ATF5: variants seen among roughly 807,000 people sequenced by gnomAD.
ATF5 encodes cyclic AMP-dependent transcription factor ATF-5.
A neutral mutation model predicts 4.6 loss-of-function variants in ATF5; 6 were observed. That is an observed-to-expected ratio of 1.31 (90% confidence interval 0.72 to 2.59). The LOEUF is 2.59. Among genes scored for constraint, ATF5 ranks in the 30% most tolerant of loss-of-function variants. The pLI is 0.00. For missense variants in ATF5, 410 were observed against 368.7 expected (o/e 1.11, Z -0.92); for synonymous variants, 193 against 165.0 (o/e 1.17, Z -1.30).
At position 49,930,891 on chromosome 19, in the gene ATF5, C is replaced by T; in HGVS notation, c.41C>T (p.Ala14Val). The T allele has an allele frequency of 6.2e-7, 1 of 1,610,348 alleles. No homozygotes were observed. Among genetic ancestry groups the T allele is most frequent in the South Asian group, 1.1e-5 (1 of 90,518 alleles). The change falls in exon 2 of 3, where the codon GCC becomes GTC. Residue 14 changes from alanine (A) to valine (V), a missense_variant. Coordinates refer to ENST00000423777, the MANE Select transcript of ATF5 (RefSeq NM_001193646.2). ...ACCCTGGGGCTGGAGCTGGACAGGGCCCTGCTCCCAGCTAGTGGGCTGGGA... is the reference window on the plus strand; with the variant it reads ...ACCCTGGGGCTGGAGCTGGACAGGGTCCTGCTCCCAGCTAGTGGGCTGGGA... ...LATLGLELDR[A>V]LLPASGLGWL...
chr19:49,931,653 T>TA (rs1351514103), intron 2 of ATF5, among the ~76,000 whole-genome samples: 7 of 149,580 alleles, frequency 4.7e-5, no homozygotes, highest in East Asian at 2.0e-4. Flanking sequence ...TCCCTTAAAA[T>TA]AAAAAAAAAG....
intron 2 of ATF5, among the ~76,000 whole-genome samples, chr19:49,931,385 T>G (rs1426747992): frequency 6.6e-6 from 1 of 152,090 alleles, no homozygotes; most frequent in Non-Finnish European, 1.5e-5. Context: ...AAGCCAGGCA[T>G]GATGGCCTGT....
Position 49,932,977 on chromosome 19 carries a change from C to A in ATF5, c.734C>A (p.Ala245Glu). The A allele has an allele frequency of 6.2e-7, 1 of 1,614,054 alleles. No individual in the cohort carries two copies. Residue 245 changes from alanine (A) to glutamate (E), a missense_variant, in exon 3 of 3, where the codon GCA becomes GAA. Transcript: ENST00000423777. Reference sequence around the variant, plus strand: ...GAGGGCGAGTGCCAGGGGCTGGAGGCACGGAATCGCGAGCTGAAGGAACGG... The same window carrying A: ...GAGGGCGAGTGCCAGGGGCTGGAGGAACGGAATCGCGAGCTGAAGGAACGG... ...ALEGECQGLE[A>E]RNRELKERAE...
chr19:49,933,560 G>C lies in ATF5; in HGVS notation c.*468G>C, dbSNP rs1370989104. ...GAATTTCAAACCTGGTTTCTTACAG[G>C]TGGTTGTCTGGGGTGGGTGGAGTGG... On this transcript the variant is annotated 3_prime_UTR_variant, in exon 3 of 3. Transcript: ENST00000423777. 6.4e-6 allele frequency: 1 copy of C among 155,434 alleles called. No individual in the cohort carries two copies. Among genetic ancestry groups the C allele is most frequent in the Non-Finnish European group, 1.4e-5 (1 of 70,008 alleles). 9.6% of individuals were successfully genotyped at this position (155,434 alleles called of 1,614,324 possible).
At position 49,932,621 on chromosome 19, in the gene ATF5, C is replaced by G. The variant is rs1442248098; in HGVS notation, c.378C>G (p.Ser126=). 1 of 1,545,590 alleles carries G rather than the reference C, an allele frequency of 6.5e-7. No individual in the cohort carries two copies. The highest frequency in any genetic ancestry group is 1.4e-5 in the African/African-American group (1 of 71,994). ...FLDAPPLPPP[S]PPPLPPPPLP... Reference sequence around the variant, plus strand: ...ATGCCCCGCCCCTCCCACCACCCTCCCCGCCGCCACTACCACCACCACCAC... The same window carrying G: ...ATGCCCCGCCCCTCCCACCACCCTCGCCGCCGCCACTACCACCACCACCAC... Residue 126 remains serine (S), a synonymous_variant, in exon 3 of 3, where the codon TCC becomes TCG. Transcript: ENST00000423777.
rs1159728331 is a variant in ATF5 at position 49,932,946 on chromosome 19, G to A, written c.703G>A (p.Ala235Thr). ...YRQRKRAEGE[A>T]LEGECQGLEA... is the part of the protein sequence containing the mutation. ...CCAGCGGAAGCGGGCAGAGGGTGAG[G>A]CCCTGGAGGGCGAGTGCCAGGGGCT... Residue 235 changes from alanine to threonine, a missense_variant, in exon 3 of 3, where the codon GCC becomes ACC. By Grantham distance (58) the Ala-to-Thr change is moderately conservative. Coordinates refer to ENST00000423777, the MANE Select transcript of ATF5 (RefSeq NM_001193646.2). 1 of 1,614,008 alleles carries A rather than the reference G, an allele frequency of 6.2e-7. No individual in the cohort carries two copies. Among genetic ancestry groups the A allele is most frequent in the South Asian group, 1.1e-5 (1 of 91,052 alleles).
At chr19:49,930,003 G>C (rs2076032179) in intron 1 of ATF5, 1 of 152,350 alleles carries the variant, frequency 6.6e-6, no homozygotes, top group Non-Finnish European at 1.5e-5. Context: ...CAGGGCAGAA[G>C]GCGGGACCCA....
In ATF5 at chr19:49,932,709, T is replaced by G. The variant is rs1313685767; in HGVS notation, c.466T>G (p.Leu156Val). 2 of 1,506,006 alleles carry G rather than the reference T, an allele frequency of 1.3e-6. No individual in the cohort carries two copies. The highest frequency in any genetic ancestry group is 1.8e-6 in the Non-Finnish European group (2 of 1,117,100). The allele number at this position is 1,506,006 out of a possible 1,614,324, so 93.3% of individuals were successfully genotyped here. The stretch of plus-strand genomic sequence containing the variant: ...CTTTGACCTCCCCCAGCCCCCTGTC[T>G]TGGATACTCTGGACTTGCTGGCCAT... ...PSFDLPQPPV[L>V]DTLDLLAIYC... The change falls in exon 3 of 3, where the codon TTG becomes GTG. Residue 156 changes from leucine (L) to valine (V), a missense_variant. Coordinates refer to ENST00000423777, the MANE Select transcript of ATF5 (RefSeq NM_001193646.2).
Position 49,932,682 on chromosome 19 carries a change from T to G in ATF5, c.439T>G (p.Ser147Ala). ...CCCCTCCCTCCCCCTGTCCCTCCCC[T>G]CCTTTGACCTCCCCCAGCCCCCTGT... is the stretch of plus-strand genomic sequence containing the variant. ...PAPSLPLSLP[S>A]FDLPQPPVLD... Residue 147 changes from serine to alanine, a missense_variant, in exon 3 of 3, where the codon TCC becomes GCC. Physicochemically the swap from Ser to Ala is moderately conservative, Grantham distance 99. Coordinates refer to ENST00000423777, the MANE Select transcript of ATF5 (RefSeq NM_001193646.2). 1.8e-6 allele frequency: 1 copy of G among 571,426 alleles called. No individual in the cohort carries two copies. Among genetic ancestry groups the G allele is most frequent in the Non-Finnish European group, 2.5e-6 (1 of 406,390 alleles). 35.4% of individuals were successfully genotyped at this position (571,426 alleles called of 1,614,324 possible).
Position 49,932,506 on chromosome 19 carries a change from T to TCCCCCACCC in ATF5, c.269_270insCCCCCCCCA (p.Pro89_Gln90insHisProPro). Reference sequence around the variant, plus strand: ...GAGCCTCCCTTACCCCCCGGCACCCTCCCCCAACCTTCCCCAACCCCACCT... The same window carrying TCCCCCACCC: ...GAGCCTCCCTTACCCCCCGGCACCCTCCCCCACCCCCCCCAACCTTCCCCAACCCCACCT... On this transcript the variant is annotated inframe_insertion, in exon 3 of 3. Transcript: ENST00000423777. 2 of 589,020 alleles carry TCCCCCACCC rather than the reference T, an allele frequency of 3.4e-6. No individual in the cohort carries two copies. Among genetic ancestry groups the TCCCCCACCC allele is most frequent in the Non-Finnish European group, 2.5e-6 (1 of 403,600 alleles). 36.5% of individuals were successfully genotyped at this position (589,020 alleles called of 1,614,324 possible).
intron 1 of ATF5, 77 bp downstream of exon 1, chr19:49,929,477 G>C (rs1346815162): frequency 1.3e-5 from 2 of 152,542 alleles, no homozygotes; most frequent in Non-Finnish European, 2.9e-5. Context: ...GGGAGCCCTG[G>C]GGGGTGGGGA....
At position 49,930,948 on chromosome 19, in the gene ATF5, C is replaced by A; in HGVS notation, c.98C>A (p.Ala33Asp). The change falls in exon 2 of 3, where the codon GCC (alanine) becomes GAC (aspartate). Residue 33 changes from alanine to aspartate, a missense_variant. Transcript: ENST00000423777. ...WLVDYGKLPP[A>D]PAPLAPYEVL... ...GTAGACTATGGGAAACTCCCCCCGGCCCCTGCCCCCCTGGCTCCCTATGAG... is the reference window on the plus strand; with the variant it reads ...GTAGACTATGGGAAACTCCCCCCGGACCCTGCCCCCCTGGCTCCCTATGAG... 1 of 1,596,890 alleles carries A rather than the reference C, an allele frequency of 6.3e-7. No individual in the cohort carries two copies. The highest frequency in any genetic ancestry group is 8.5e-7 in the Non-Finnish European group (1 of 1,172,572).
At chr19:49,931,563 C>T (rs913343241) in intron 2 of ATF5, among the ~76,000 whole-genome samples, 2 of 152,072 alleles carry the variant, frequency 1.3e-5, no homozygotes, top group African/African-American at 4.8e-5. Context: ...GGGAGGATCG[C>T]TTGAGCCTGG....
At chr19:49,931,150 GC>G (rs1312413252) in intron 2 of ATF5, 122 bp downstream of exon 2, 5 of 898,504 alleles carry the variant, frequency 5.6e-6, no homozygotes, top group South Asian at 3.9e-5. Flanking sequence ...TGTTTTAGGT[GC>G]TGAGGATACG....
chr19:49,933,296 A>T lies in ATF5; in HGVS notation c.*204A>T, dbSNP rs537468124. ...GGCAACATAGTAAGACCCTGTCTCTATTAAAAAAAAAAAATCAACCCTTCT... is the reference window on the plus strand; with the variant it reads ...GGCAACATAGTAAGACCCTGTCTCTTTTAAAAAAAAAAAATCAACCCTTCT... On this transcript the variant is annotated 3_prime_UTR_variant, in exon 3 of 3. Coordinates refer to ENST00000423777, the MANE Select transcript of ATF5 (RefSeq NM_001193646.2). 1 of 466,360 alleles carries T rather than the reference A, an allele frequency of 2.1e-6. No individual in the cohort carries two copies. 28.9% of individuals were successfully genotyped at this position (466,360 alleles called of 1,614,324 possible). A position where few individuals can be genotyped will look rare whatever the true frequency, so the allele number is the denominator to read the frequency against.
In ATF5 at chr19:49,933,261, T is replaced by C. The variant is rs2076086317; in HGVS notation, c.*169T>C. ...GGATCGTTTGAGGCCAGGAGGTCAA[T>C]ACCAGCCTGGGCAACATAGTAAGAC... On this transcript the variant is annotated 3_prime_UTR_variant, in exon 3 of 3. Coordinates refer to ENST00000423777, the MANE Select transcript of ATF5 (RefSeq NM_001193646.2). 2 of 658,714 alleles carry C rather than the reference T, an allele frequency of 3.0e-6. No individual in the cohort carries two copies. The highest frequency in any genetic ancestry group is 2.5e-6 in the Non-Finnish European group (1 of 405,782). The allele number at this position is 658,714 out of a possible 1,614,324, so 40.8% of individuals were successfully genotyped here. A position where few individuals can be genotyped will look rare whatever the true frequency, so the allele number is the denominator to read the frequency against.
chr19:49,932,780 T>A lies in ATF5; in HGVS notation c.537T>A (p.Pro179=). The A allele has an allele frequency of 6.3e-7, 1 of 1,598,538 alleles. No homozygotes were observed. The highest frequency in any genetic ancestry group is 8.5e-7 in the Non-Finnish European group (1 of 1,172,790). ...GGCAGGAGGAAGTGGGGATGCCGCC[T>A]CTGCCCCCGCCACAGCAGCCCCCTC... ...EAGQEEVGMP[P]LPPPQQPPPP... Residue 179 remains proline, a synonymous_variant, in exon 3 of 3, where the codon CCT becomes CCA. Transcript: ENST00000423777.
chr19:49,929,320 G>C lies in ATF5; in HGVS notation c.-200G>C, dbSNP rs938243251. The C allele has an allele frequency of 6.4e-6, 1 of 155,156 alleles. No individual in the cohort carries two copies. Among genetic ancestry groups the C allele is most frequent in the Non-Finnish European group, 1.4e-5 (1 of 70,394 alleles). 9.6% of individuals were successfully genotyped at this position (155,156 alleles called of 1,614,324 possible). On this transcript the variant is annotated 5_prime_UTR_variant, in exon 1 of 3. Transcript: ENST00000423777. ...CTTTGTGCCCCCGGCCCGTCTCCGCGCTCACCACGCCTGCGCTCTCCGCTC... is the reference window on the plus strand; with the variant it reads ...CTTTGTGCCCCCGGCCCGTCTCCGCCCTCACCACGCCTGCGCTCTCCGCTC...
chr19:49,932,367 A>AC, intron 2 of ATF5, 55 bp from the exon 3 acceptor site: 1 of 1,578,600 alleles, frequency 6.3e-7, no homozygotes, highest in Non-Finnish European at 8.7e-7. Context: ...GCACCCAACT[A>AC]CGCAGAAGAC....
Sources: gnomAD v4.1 joint callset for allele counts (sites outside exome capture counted in the v4.1 genomes callset) on GRCh38, gnomAD v4.1.1 for gene constraint, MANE v1.5 for transcripts, NCBI Gene and HGNC (gene_info 2026-07-23, HGNC 2026-07-21) for gene names.